PCDHGA8: variants seen among roughly 807,000 people sequenced by gnomAD.
PCDHGA8 encodes the protein protocadherin gamma subfamily A, 8, also known as protocadherin gamma-A8.
PCDHGA8 carries 45 observed loss-of-function variants against 59.2 expected under a neutral mutation model. The observed-to-expected ratio is 0.76, with a 90% CI of 0.60 to 0.98. The LOEUF (loss-of-function observed/expected upper bound fraction) is 0.98, where lower values mean the gene tolerates loss of function less well. PCDHGA8 is among the 50% of genes least tolerant of loss of function. PCDHGA8 has a pLI of 0.00. For missense variants in PCDHGA8, 1,257 were observed against 1,196.2 expected, an observed-to-expected ratio of 1.05 and a Z score of -0.75; for synonymous variants, 531 against 519.0, an observed-to-expected ratio of 1.02 and a Z score of -0.32.
At position 141,394,276 on chromosome 5, in the gene PCDHGA8, C is replaced by T; in HGVS notation, c.1463C>T (p.Thr488Ile). The change falls in exon 1 of 4, where the codon ACT (threonine) becomes ATT (isoleucine). Residue 488 changes from threonine to isoleucine, a missense_variant. Physicochemically the swap from Thr to Ile is moderately conservative, Grantham distance 89. Coordinates refer to ENST00000398604, the MANE Select transcript of PCDHGA8 (RefSeq NM_032088.2). ...DPDSQENAQV[T>I]YSVTEDTLQG... Reference sequence around the variant, plus strand: ...GACAGCCAGGAGAATGCCCAGGTCACTTACTCTGTGACCGAGGACACGCTG... The same window carrying T: ...GACAGCCAGGAGAATGCCCAGGTCATTTACTCTGTGACCGAGGACACGCTG... The T allele has an allele frequency of 1.2e-6, 2 of 1,613,976 alleles. No individual in the cohort carries two copies. Among genetic ancestry groups the T allele is most frequent in the South Asian group, 1.1e-5 (1 of 91,074 alleles).
At chr5:141,484,943 C>T (rs542244720) in intron 1 of PCDHGA8, 14 of 546,098 alleles carry the variant, frequency 2.6e-5, no homozygotes, top group African/African-American at 2.3e-4. Flanking sequence ...GTTCTCTGCT[C>T]AGCCTATTGG....
At chr5:141,402,872 T>C in intron 1 of PCDHGA8, 1 of 1,455,372 alleles carries the variant, frequency 6.9e-7, no homozygotes, top group Non-Finnish European at 9.1e-7. Flanking sequence ...AAGATCACCA[T>C]ACTTTGCAGG....
rs558609501 is a variant in PCDHGA8, at chr5:141,487,648, G to C, written c.2425-7159G>C. On this transcript the variant is annotated intron_variant, in intron 1 of 3. Coordinates refer to ENST00000398604, the MANE Select transcript of PCDHGA8 (RefSeq NM_032088.2). This position sits in a 1 kb window ranked among gnomAD's most constrained non-coding sequence, Gnocchi z 5.0. ...CTTTGCAGGCTCAACAAATGCTTGA[G>C]GGTTATTCTGATCCAGGCATATGGC... is the stretch of plus-strand genomic sequence containing the variant. 34 of 1,613,904 alleles carry C rather than the reference G, an allele frequency of 2.1e-5. 1 individual carries two copies. The South Asian group carries it at 3.6e-4, about 17-fold the overall frequency.
intron 1 of PCDHGA8, chr5:141,428,464 G>A (rs904800167): frequency 1.1e-4 from 37 of 344,652 alleles, no homozygotes; most frequent in African/African-American, 6.3e-4. Context: ...CTACAATGAG[G>A]GAACTTTGCT....
In PCDHGA8 at chr5:141,405,166, A is replaced by G. The variant is rs1303146593; in HGVS notation, c.2424+9929A>G. The G allele has an allele frequency of 9.3e-6, 15 of 1,613,862 alleles. No individual in the cohort carries two copies. In the East Asian group the frequency reaches 3.3e-4, roughly 36 times the overall value. On this transcript the variant is annotated intron_variant, in intron 1 of 3. Coordinates refer to ENST00000398604, the MANE Select transcript of PCDHGA8 (RefSeq NM_032088.2). Reference sequence around the variant, plus strand: ...ATGGGTTGGCTGGTGTGCCCACCTCACACTTTGTGGGTGTAGATGGGGTTC... The same window carrying G: ...ATGGGTTGGCTGGTGTGCCCACCTCGCACTTTGTGGGTGTAGATGGGGTTC...
At chr5:141,409,936 A>G in intron 1 of PCDHGA8, 2 of 1,613,064 alleles carry the variant, frequency 1.2e-6, no homozygotes, top group Non-Finnish European at 1.7e-6. Context: ...TCGATATGGT[A>G]CCTCGCTCTG....
At chr5:141,478,563 C>G (rs1484075735) in intron 1 of PCDHGA8, 16 of 1,596,154 alleles carry the variant, frequency 1.0e-5, no homozygotes, top group African/African-American at 1.3e-5. Context: ...TTTAGCAAGT[C>G]ATGCTTGACC....
In PCDHGA8 at chr5:141,494,027, G is replaced by A. The variant is rs77020157; in HGVS notation, c.2425-780G>A. 1.5e-4 allele frequency among the ~76,000 whole-genome samples: 23 copies of A among 152,298 alleles called. No homozygotes were observed. In the East Asian group the frequency reaches 3.3e-3, roughly 22 times the overall value. ...ACACATCAGCCCCTTGGGAGCCCTGGAGACTTAGTTGGCCCTGCTTGGAGG... is the reference window on the plus strand; with the variant it reads ...ACACATCAGCCCCTTGGGAGCCCTGAAGACTTAGTTGGCCCTGCTTGGAGG... On this transcript the variant is annotated intron_variant, in intron 1 of 3. Coordinates refer to ENST00000398604, the MANE Select transcript of PCDHGA8 (RefSeq NM_032088.2).
chr5:141,451,978 T>A (rs1329730658), intron 1 of PCDHGA8, among the ~76,000 whole-genome samples: 1 of 152,188 alleles, frequency 6.6e-6, no homozygotes, highest in Non-Finnish European at 1.5e-5. Flanking sequence ...TTTGCTGTAG[T>A]TTGTTCATTA....
At chr5:141,407,370 A>G (rs1434825695) in intron 1 of PCDHGA8, among the ~76,000 whole-genome samples, 2 of 152,228 alleles carry the variant, frequency 1.3e-5, no homozygotes, top group Non-Finnish European at 2.9e-5. Flanking sequence ...ACAGATATCC[A>G]TGAAGGCTTG....
intron 1 of PCDHGA8, chr5:141,419,158 C>G (rs757849297): frequency 6.2e-7 from 1 of 1,613,950 alleles, no homozygotes; most frequent in South Asian, 1.1e-5. Context: ...CTCCGTTATC[C>G]TCCAGCAAAA....
rs34152666 is a variant in PCDHGA8 at position 141,428,860 on chromosome 5, C to CT, written c.2424+33636dup. 6.7e-4 allele frequency: 98 copies of CT among 145,544 alleles called. 1 individual carries two copies. The highest frequency in any genetic ancestry group is 1.4e-3 in the East Asian group (7 of 4,990). 9.0% of individuals were successfully genotyped at this position (145,544 alleles called of 1,614,324 possible). On this transcript the variant is annotated intron_variant, in intron 1 of 3. Transcript: ENST00000398604. ...ACATTTTCACCATTTTTACGGGAGA[C>CT]TTTTTTTTTTTTTGGACGGAGTCTC...
intron 1 of PCDHGA8, among the ~76,000 whole-genome samples, chr5:141,435,770 C>G (rs1445835726): frequency 6.6e-6 from 1 of 152,070 alleles, no homozygotes; most frequent in Non-Finnish European, 1.5e-5. Context: ...TTGGTGAATT[C>G]TGTAAAGGTG....
intron 1 of PCDHGA8, among the ~76,000 whole-genome samples, chr5:141,445,740 A>T (rs993128906): frequency 2.6e-5 from 4 of 152,226 alleles, no homozygotes; most frequent in Admixed American, 1.3e-4. Flanking sequence ...AGATCTTTTT[A>T]AAAAATAAAA....
intron 1 of PCDHGA8, chr5:141,423,427 G>A: frequency 1.2e-6 from 2 of 1,614,010 alleles, no homozygotes; most frequent in Non-Finnish European, 1.7e-6. Flanking sequence ...AGGCGGGTTG[G>A]CAGGTATGCC....
In PCDHGA8 at chr5:141,476,258, G is replaced by A. The variant is rs1247889010; in HGVS notation, c.2425-18549G>A. 1 of 1,614,018 alleles carries A rather than the reference G, an allele frequency of 6.2e-7. No individual in the cohort carries two copies. Among genetic ancestry groups the A allele is most frequent in the South Asian group, 1.1e-5 (1 of 91,066 alleles). Reference sequence around the variant, plus strand: ...GGAAAGAGAGAAGGGTTTCGCTGTGGGCAACGTGGTCGCGAACCTTGGTTT... The same window carrying A: ...GGAAAGAGAGAAGGGTTTCGCTGTGAGCAACGTGGTCGCGAACCTTGGTTT... On this transcript the variant is annotated intron_variant, in intron 1 of 3. Coordinates refer to ENST00000398604, the MANE Select transcript of PCDHGA8 (RefSeq NM_032088.2). This position sits in a 1 kb window ranked among gnomAD's most constrained non-coding sequence, Gnocchi z 7.6.
intron 1 of PCDHGA8, chr5:141,428,236 G>T: frequency 5.8e-6 from 6 of 1,027,096 alleles, no homozygotes; most frequent in Non-Finnish European, 8.9e-6. Flanking sequence ...CAGCCTGCAG[G>T]AGGCACTGCC....
intron 1 of PCDHGA8, among the ~76,000 whole-genome samples, chr5:141,457,628 C>T (rs1210673176): frequency 6.6e-6 from 1 of 152,244 alleles, no homozygotes; most frequent in Non-Finnish European, 1.5e-5. Context: ...TAATCTTATA[C>T]TTGGCCTGAT....
At chr5:141,451,503 A>G (rs1395798374) in intron 1 of PCDHGA8, among the ~76,000 whole-genome samples, 1 of 152,234 alleles carries the variant, frequency 6.6e-6, no homozygotes, top group African/African-American at 2.4e-5. Flanking sequence ...TAGGGCAACC[A>G]GCTTCTGTTA....
Sources: allele counts gnomAD v4.1 joint callset (sites outside exome capture counted in the v4.1 genomes callset), GRCh38; gene constraint gnomAD v4.1.1; non-coding constraint Gnocchi (gnomAD v3.1); transcripts MANE v1.5; gene names NCBI Gene and HGNC (gene_info 2026-07-23, HGNC 2026-07-21).